Variants in PSMF1 observed in about 807,000 individuals in gnomAD.
The protein encoded by PSMF1 is proteasome inhibitor subunit 1.
PSMF1 carries 30 observed loss-of-function variants against 29.3 expected under a neutral mutation model. That is an observed-to-expected ratio of 1.02 (90% confidence interval 0.77 to 1.39). The LOEUF (loss-of-function observed/expected upper bound fraction) is 1.39, where lower values mean the gene tolerates loss of function less well. Among genes scored for constraint, PSMF1 ranks in the 40% most tolerant of loss-of-function variants. The pLI, the probability that PSMF1 is intolerant of heterozygous loss-of-function variation, is 0.00. For synonymous variants in PSMF1, 134 were observed against 139.7 expected, an observed-to-expected ratio of 0.96 and a Z score of 0.29; for missense variants, 344 against 357.5, an observed-to-expected ratio of 0.96 and a Z score of 0.31.
upstream of PSMF1, among the ~76,000 whole-genome samples, chr20:1,117,333 CTT>C (rs796938800): frequency 2.1e-5 from 3 of 139,800 alleles, no homozygotes; most frequent in African/African-American, 5.2e-5. Context: ...TCTGACTTTT[CTT>C]TTTTTTTTTT....
intron 4 of PSMF1, among the ~76,000 whole-genome samples, chr20:1,158,532 A>T (rs1306846416): frequency 6.6e-6 from 1 of 152,182 alleles, no homozygotes; most frequent in Non-Finnish European, 1.5e-5. Context: ...CAGCCATTAG[A>T]AGGGTGTCAG....
chr20:1,161,717 G>A, intron 4 of PSMF1: 1 of 593,870 alleles, frequency 1.7e-6, no homozygotes, highest in Non-Finnish European at 3.2e-6. Flanking sequence ...AAGCAGATGT[G>A]TAGCATTTGC....
chr20:1,121,306 C>T (rs1204213306), intron 1 of PSMF1, among the ~76,000 whole-genome samples: 2 of 152,068 alleles, frequency 1.3e-5, no homozygotes. Flanking sequence ...GCCACCTTTC[C>T]TCTATCTACC....
chr20:1,166,378 C>A lies in PSMF1; in HGVS notation c.*1298C>A. The A allele has an allele frequency of 9.3e-7, 1 of 1,076,778 alleles. No homozygotes were observed. Among genetic ancestry groups the A allele is most frequent in the Non-Finnish European group, 1.4e-6 (1 of 718,064 alleles). The allele number at this position is 1,076,778 out of a possible 1,614,324, so 66.7% of individuals were successfully genotyped here. ...ACCATATGTGGATCCTTTCATTTCT[C>A]AGCTCCCTGGATTCCTTCCCCTAAA... On this transcript the variant is annotated 3_prime_UTR_variant, in exon 7 of 7. Transcript: ENST00000335877.
upstream of PSMF1, among the ~76,000 whole-genome samples, chr20:1,115,735 C>T (rs34304279): frequency 0.071 from 8,158 of 115,412 alleles, 333 homozygotes; most frequent in Middle Eastern, 0.16. Flanking sequence ...ATCCTTAATC[C>T]ACTTTTTTTT....
intron 1 of PSMF1, among the ~76,000 whole-genome samples, chr20:1,122,590 G>A (rs531369868): frequency 7.3e-4 from 111 of 152,246 alleles, no homozygotes; most frequent in African/African-American, 2.0e-3. Flanking sequence ...AAGAGCCACC[G>A]CGCTCAGCCT....
rs536269665 is a variant in PSMF1 at position 1,127,618 on chromosome 20, C to T, written c.365+110C>T. 148 of 917,534 alleles carry T rather than the reference C, an allele frequency of 1.6e-4. 1 individual carries two copies. The Middle Eastern group carries it at 5.7e-3, about 36-fold the overall frequency. The allele number at this position is 917,534 out of a possible 1,614,324, so 56.8% of individuals were successfully genotyped here. ...AAATTAAGGAAGGTGAATGGAAGAA[C>T]CTTTTATTTCTGGGCACAACTTCCT... On this transcript the variant is annotated intron_variant, in intron 3 of 6. Transcript: ENST00000335877.
intron 2 of PSMF1, 29 bp from the exon 3 acceptor site, chr20:1,127,397 T>C (rs779470315): frequency 3.9e-6 from 6 of 1,522,474 alleles, no homozygotes; most frequent in Non-Finnish European, 5.5e-6. Flanking sequence ...AATATCCCAG[T>C]CTCTCACTTT....
chr20:1,163,118 T>G lies in PSMF1; in HGVS notation c.552-12T>G. ...TCTGGGACTTGCAGTAATTGTCTCT[T>G]GTTTGTTTCAGGTGTGATCCCCTGG... is the stretch of plus-strand genomic sequence containing the variant. On this transcript the variant is annotated splice_polypyrimidine_tract_variant and intron_variant, in intron 4 of 6. Transcript: ENST00000335877. This position sits in a 1 kb window ranked among gnomAD's most constrained non-coding sequence, Gnocchi z 6.1. 6.2e-7 allele frequency: 1 copy of G among 1,614,072 alleles called. No individual in the cohort carries two copies. The highest frequency in any genetic ancestry group is 2.2e-5 in the East Asian group (1 of 44,868).
chr20:1,162,150 A>G (rs1036653707), intron 4 of PSMF1, among the ~76,000 whole-genome samples: 4 of 152,166 alleles, frequency 2.6e-5, no homozygotes, highest in Non-Finnish European at 4.4e-5. Flanking sequence ...TCTTGCCTGT[A>G]GGACCCAGTT....
At chr20:1,126,045 C>A (rs2086151538) in intron 2 of PSMF1, 1 of 446,254 alleles carries the variant, frequency 2.2e-6, no homozygotes, top group Admixed American at 2.4e-5. Flanking sequence ...CCCCCATCTG[C>A]CACTCACACA....
Position 1,169,005 on chromosome 20 carries a change from A to C in PSMF1, c.*3925A>C, listed in dbSNP as rs1318458527. Among the ~76,000 whole-genome samples, 2 of 152,164 alleles carry C rather than the reference A, an allele frequency of 1.3e-5. No individual in the cohort carries two copies. Among genetic ancestry groups the C allele is most frequent in the Admixed American group, 1.3e-4 (2 of 15,272 alleles). ...CCCTTTATTGCCCTTGGGATACCACAAGGCACAGATACAGGCAGCTGCTGT... is the reference window on the plus strand; with the variant it reads ...CCCTTTATTGCCCTTGGGATACCACCAGGCACAGATACAGGCAGCTGCTGT... On this transcript the variant is annotated 3_prime_UTR_variant, in exon 7 of 7. Coordinates refer to ENST00000335877, the MANE Select transcript of PSMF1 (RefSeq NM_006814.5).
chr20:1,118,806 A>G lies in PSMF1; in HGVS notation c.33A>G (p.Ala11=). 4 of 1,613,456 alleles carry G rather than the reference A, an allele frequency of 2.5e-6. No individual in the cohort carries two copies. Among genetic ancestry groups the G allele is most frequent in the Non-Finnish European group, 3.4e-6 (4 of 1,179,700 alleles). The change falls in exon 1 of 7, where the codon GCA becomes GCG. Residue 11 remains alanine, a synonymous_variant. Transcript: ENST00000335877. ...GCCTGGAGGTACTGTTCGCATCGGC[A>G]GCGCCGGCCATCACCTGCAGGCAGG... MAGLEVLFAS[A]APAITCRQDA...
At chr20:1,145,397 A>G (rs4813940) in intron 4 of PSMF1, among the ~76,000 whole-genome samples, 147,462 of 152,156 alleles carry the variant, frequency 0.97, 71,468 homozygotes, top group Middle Eastern at 1. Flanking sequence ...AGCACATAGG[A>G]AAAGGAATCT....
Position 1,164,583 on chromosome 20 carries a change from C to T in PSMF1, c.764+107C>T, listed in dbSNP as rs1307097529. On this transcript the variant is annotated intron_variant, in intron 6 of 6. Coordinates refer to ENST00000335877, the MANE Select transcript of PSMF1 (RefSeq NM_006814.5). This position sits in a 1 kb window ranked among gnomAD's most constrained non-coding sequence, Gnocchi z 4.1. ...CCAGGCACAGAGCTGCCGCTGCCTT[C>T]ACCTGTTGCTGCCAGGAGAGTGGAG... is the stretch of plus-strand genomic sequence containing the variant. The T allele has an allele frequency of 1.4e-6, 2 of 1,447,710 alleles. No homozygotes were observed. Among genetic ancestry groups the T allele is most frequent in the South Asian group, 1.3e-5 (1 of 78,640 alleles). The allele number at this position is 1,447,710 out of a possible 1,614,324, so 89.7% of individuals were successfully genotyped here.
At position 1,169,873 on chromosome 20, in the gene PSMF1, G is replaced by A. The variant is rs1178284365; in HGVS notation, c.*4793G>A. On this transcript the variant is annotated 3_prime_UTR_variant, in exon 7 of 7. Transcript: ENST00000335877. ...CCCACCTTTCCTGGAAGGTGCACTG[G>A]GACAGAGGTCTAGTGAGCCAATCTT... is the stretch of plus-strand genomic sequence containing the variant. Among the ~76,000 whole-genome samples, 1 of 152,128 alleles carries A rather than the reference G, an allele frequency of 6.6e-6. No individual in the cohort carries two copies. The highest frequency in any genetic ancestry group is 1.5e-5 in the Non-Finnish European group (1 of 68,020).
At chr20:1,159,057 C>CAAA (rs759292496) in intron 4 of PSMF1, among the ~76,000 whole-genome samples, 1 of 69,926 alleles carries the variant, frequency 1.4e-5, no homozygotes, top group South Asian at 4.4e-4. Flanking sequence ...CTCCGTCTCA[C>CAAA]AAAAAAAAAA....
intron 4 of PSMF1, among the ~76,000 whole-genome samples, chr20:1,140,637 A>G (rs2086369429): frequency 6.6e-6 from 1 of 152,244 alleles, no homozygotes; most frequent in South Asian, 2.1e-4. Context: ...TTTTGTGCAT[A>G]AAAGGATAGT....
At chr20:1,137,968 G>C (rs964760249) in intron 4 of PSMF1, among the ~76,000 whole-genome samples, 1 of 152,156 alleles carries the variant, frequency 6.6e-6, no homozygotes, top group African/African-American at 2.4e-5. Context: ...AAGAATGGTG[G>C]ACTATTGATA....
Sources: allele counts gnomAD v4.1 joint callset (sites outside exome capture counted in the v4.1 genomes callset), GRCh38; gene constraint gnomAD v4.1.1; non-coding constraint Gnocchi (gnomAD v3.1); transcripts MANE v1.5; gene names NCBI Gene and HGNC (gene_info 2026-07-23, HGNC 2026-07-21).